The following HNRNPC variants were observed in gnomAD, a reference collection of about 807,000 sequenced individuals.
HNRNPC encodes heterogeneous nuclear ribonucleoprotein C, also known as heterogeneous nuclear ribonucleoproteins C1/C2.
A neutral mutation model predicts 33.2 loss-of-function variants in HNRNPC; 3 were observed. That is an observed-to-expected ratio of 0.09 (90% CI 0.04 to 0.23). The LOEUF is 0.23. HNRNPC is among the 10% of genes least tolerant of loss of function. HNRNPC has a pLI of 1.00. For missense variants in HNRNPC, 143 were observed against 366.7 expected (o/e 0.39, Z 4.98); for synonymous variants, 121 against 126.7 (o/e 0.96, Z 0.30).
At chr14:21,256,749 G>A (rs1877286801) in intron 2 of HNRNPC, among the ~76,000 whole-genome samples, 1 of 151,772 alleles carries the variant, frequency 6.6e-6, no homozygotes, top group Admixed American at 6.6e-5. Flanking sequence ...CTGCTTCCTG[G>A]GCTCAAGCGA....
chr14:21,266,377 G>A (rs1202348575), intron 1 of HNRNPC, among the ~76,000 whole-genome samples: 1 of 152,092 alleles, frequency 6.6e-6, no homozygotes, highest in Non-Finnish European at 1.5e-5. Flanking sequence ...GGGATTACAG[G>A]CATGAGCAGC....
At chr14:21,250,740 C>T (rs909836848) in intron 2 of HNRNPC, among the ~76,000 whole-genome samples, 1 of 152,186 alleles carries the variant, frequency 6.6e-6, no homozygotes, top group Admixed American at 6.5e-5. Context: ...ACATTCTCCA[C>T]AAACATCAAA....
chr14:21,254,751 C>T (rs1876845385), intron 2 of HNRNPC, among the ~76,000 whole-genome samples: 1 of 151,944 alleles, frequency 6.6e-6, no homozygotes, highest in Non-Finnish European at 1.5e-5. Flanking sequence ...TGTAAAAATA[C>T]AAAAATTAGC....
chr14:21,221,016 G>T (rs1421915580), intron 5 of HNRNPC, among the ~76,000 whole-genome samples: 1 of 152,136 alleles, frequency 6.6e-6, no homozygotes, highest in Admixed American at 6.5e-5. Flanking sequence ...GAAACCGGGA[G>T]GCAAAAGGTG....
chr14:21,233,280 T>C (rs1363395465), intron 3 of HNRNPC, among the ~76,000 whole-genome samples: 1 of 152,190 alleles, frequency 6.6e-6, no homozygotes, highest in Non-Finnish European at 1.5e-5. Flanking sequence ...TTCACATAAC[T>C]CTAACCTACC....
rs139008139 is a variant in HNRNPC at position 21,268,071 on chromosome 14, T to G, written c.-63+1227A>C. ...CTGTGCTTAACAGCTTTAGTTTTTG[T>G]GAGATTAACAGATTGTGAAAAATAA... is the stretch of plus-strand genomic sequence containing the variant. On this transcript the variant is annotated intron_variant, in intron 1 of 8. Transcript: ENST00000553300. Among the ~76,000 whole-genome samples the G allele has an allele frequency of 3.8e-3, 585 of 152,306 alleles. 4 individuals are homozygous for G. Among genetic ancestry groups the G allele is most frequent in the Non-Finnish European group, 4.4e-3 (300 of 68,022 alleles).
chr14:21,212,938 C>T lies in HNRNPC; in HGVS notation c.523+22G>A, dbSNP rs750127507. The T allele has an allele frequency of 3.1e-6, 5 of 1,613,042 alleles. No individual in the cohort carries two copies. The Admixed American group carries it at 8.3e-5, about 27-fold the overall frequency. Reference sequence around the variant, plus strand: ...CTCAAAACACAAGAGATACCAAAATCACAAAATGAAATAATACATACACTT... The same window carrying T: ...CTCAAAACACAAGAGATACCAAAATTACAAAATGAAATAATACATACACTT... On this transcript the variant is annotated intron_variant, in intron 6 of 8. Coordinates refer to ENST00000553300, the MANE Select transcript of HNRNPC (RefSeq NM_004500.4).
At chr14:21,219,412 T>C (rs1892586006) in intron 5 of HNRNPC, among the ~76,000 whole-genome samples, 1 of 152,226 alleles carries the variant, frequency 6.6e-6, no homozygotes, top group Non-Finnish European at 1.5e-5. Context: ...AATTTCTATC[T>C]TTCCATTCAC....
chr14:21,233,350 T>C (rs1318126462), intron 3 of HNRNPC, among the ~76,000 whole-genome samples: 3 of 152,136 alleles, frequency 2.0e-5, no homozygotes, highest in African/African-American at 7.2e-5. Context: ...ATCACAAATA[T>C]AAATTTAAAA....
chr14:21,247,192 G>A (rs544073243), intron 2 of HNRNPC, among the ~76,000 whole-genome samples: 5 of 151,970 alleles, frequency 3.3e-5, no homozygotes, highest in Admixed American at 1.3e-4. Context: ...AACTCTTGTT[G>A]GACTTTTCAT....
chr14:21,260,532 G>T (rs1486854390), intron 2 of HNRNPC, among the ~76,000 whole-genome samples: 1 of 151,906 alleles, frequency 6.6e-6, no homozygotes, highest in African/African-American at 2.4e-5. Flanking sequence ...AAAGAGATGG[G>T]GTCTCGCTGG....
At chr14:21,252,302 T>C (rs1457972487) in intron 2 of HNRNPC, among the ~76,000 whole-genome samples, 1 of 152,162 alleles carries the variant, frequency 6.6e-6, no homozygotes, top group Non-Finnish European at 1.5e-5. Context: ...CTAAATGGAC[T>C]TGTTGGTCTT....
Position 21,267,789 on chromosome 14 carries a change from AACT to A in HNRNPC, c.-63+1506_-63+1508del, listed in dbSNP as rs1879267535. On this transcript the variant is annotated intron_variant, in intron 1 of 8. Transcript: ENST00000553300. Reference sequence around the variant, plus strand: ...AGAAAAGTGCCCGTCAATCAATTTCAACTACTATTAACAGTTCTTAAATACTAA... The same window carrying A: ...AGAAAAGTGCCCGTCAATCAATTTCAACTATTAACAGTTCTTAAATACTAA... Among the ~76,000 whole-genome samples the A allele has an allele frequency of 1.3e-5, 2 of 152,320 alleles. 1 individual carries two copies. The highest frequency in any genetic ancestry group is 6.8e-3 in the Middle Eastern group (2 of 294).
chr14:21,222,040 CAAAAAAAAAAA>C (rs71112558), intron 5 of HNRNPC, among the ~76,000 whole-genome samples: 4 of 65,692 alleles, frequency 6.1e-5, no homozygotes, highest in African/African-American at 1.2e-4. Context: ...GACTCCGTCT[CAAAAAAAAAAA>C]AAAAAAAAAA....
At chr14:21,246,520 T>C (rs1052393670) in intron 2 of HNRNPC, among the ~76,000 whole-genome samples, 1 of 151,248 alleles carries the variant, frequency 6.6e-6, no homozygotes, top group African/African-American at 2.4e-5. Context: ...GAGCTGGAGA[T>C]TGCGCCACTG....
At chr14:21,244,278 G>A (rs927468163) in intron 2 of HNRNPC, among the ~76,000 whole-genome samples, 6 of 152,176 alleles carry the variant, frequency 3.9e-5, no homozygotes, top group African/African-American at 7.2e-5. Context: ...GGGATTATAG[G>A]CGTGAGCCCC....
rs1032533636 is a variant in HNRNPC, at chr14:21,218,780, G to A, written c.366-5663C>T. Among the ~76,000 whole-genome samples, 3 of 148,038 alleles carry A rather than the reference G, an allele frequency of 2.0e-5. No homozygotes were observed. In the South Asian group the frequency reaches 6.5e-4, roughly 32 times the overall value. On this transcript the variant is annotated intron_variant, in intron 5 of 8. Transcript: ENST00000553300. ...TTTGGAAGGCCAAGGCAGGCAGATC[G>A]CTTGAGCCCAAGAGTTCAAGACCAG... is the stretch of plus-strand genomic sequence containing the variant.
chr14:21,210,534 A>T lies in HNRNPC; in HGVS notation c.*689T>A, dbSNP rs952637806. ...GTAAACAATAATAAAATACAAAAAT[A>T]AAAAACCAGGGTTTTTTTTTTCTCC... is the stretch of plus-strand genomic sequence containing the variant. On this transcript the variant is annotated 3_prime_UTR_variant, in exon 9 of 9. Coordinates refer to ENST00000553300, the MANE Select transcript of HNRNPC (RefSeq NM_004500.4). The T allele has an allele frequency of 4.1e-4, 63 of 152,286 alleles. 1 individual carries two copies. The highest frequency in any genetic ancestry group is 1.3e-3 in the African/African-American group (53 of 41,438). The allele number at this position is 152,286 out of a possible 1,614,324, so 9.4% of individuals were successfully genotyped here. A position where few individuals can be genotyped will look rare whatever the true frequency, so the allele number is the denominator to read the frequency against.
At chr14:21,229,915 TTTCC>T (rs1281092724) in intron 5 of HNRNPC, among the ~76,000 whole-genome samples, 1 of 152,216 alleles carries the variant, frequency 6.6e-6, no homozygotes, top group African/African-American at 2.4e-5. Context: ...AGTCTTAACA[TTTCC>T]TTCATGTTAA....
Sources: allele counts gnomAD v4.1 joint callset (sites outside exome capture counted in the v4.1 genomes callset), GRCh38; gene constraint gnomAD v4.1.1; transcripts MANE v1.5; gene names NCBI Gene and HGNC (gene_info 2026-07-23, HGNC 2026-07-21).